Variants in PHKA1 observed in about 807,000 individuals in gnomAD.
PHKA1 encodes the protein phosphorylase b kinase regulatory subunit alpha, skeletal muscle isoform.
In PHKA1, 60 loss-of-function variants were observed where a neutral mutation model predicts 110.2. The ratio of observed to expected loss-of-function variants is 0.54; its 90% CI spans 0.44 to 0.68. The LOEUF (loss-of-function observed/expected upper bound fraction) is 0.68, where lower values mean the gene tolerates loss of function less well. Among genes scored for constraint, PHKA1 ranks in the 30% least tolerant of loss-of-function variants. The pLI, the probability that PHKA1 is intolerant of heterozygous loss-of-function variation, is 0.00. For missense variants in PHKA1, 801 were observed against 942.5 expected (o/e 0.85, Z 1.97); for synonymous variants, 316 against 333.6 (o/e 0.95, Z 0.58).
At chrX:72,635,688 C>A (rs1210890032) in intron 15 of PHKA1, among the ~76,000 whole-genome samples, 2 of 111,525 alleles carry the variant, frequency 1.8e-5, no homozygotes, top group African/African-American at 3.3e-5. Context: ...TTATACCTAC[C>A]TCAGCTGCAC....
intron 12 of PHKA1, 86 bp from the exon 13 acceptor site, chrX:72,650,554 A>C (rs2053417509): frequency 2.8e-6 from 2 of 711,848 alleles, no homozygotes; most frequent in Non-Finnish European, 4.4e-6. Context: ...TATGCCCATA[A>C]CCTTGCACCA....
chrX:72,697,940 C>T (rs570410429), intron 3 of PHKA1, among the ~76,000 whole-genome samples: 9 of 108,436 alleles, frequency 8.3e-5, no homozygotes, highest in Non-Finnish European at 1.1e-4. Flanking sequence ...GCCGAGACTG[C>T]GCCACTGCAC....
chrX:72,614,429 T>C (rs563716645), intron 21 of PHKA1, among the ~76,000 whole-genome samples: 5 of 112,062 alleles, frequency 4.5e-5, no homozygotes, highest in African/African-American at 1.6e-4. Context: ...AAAAAAGTGC[T>C]ATGAGATCTC....
intron 6 of PHKA1, among the ~76,000 whole-genome samples, chrX:72,670,747 G>C (rs1259114667): frequency 3.6e-5 from 4 of 111,544 alleles, no homozygotes; most frequent in African/African-American, 9.8e-5. Context: ...ATGATCAAGT[G>C]GGCTTCATCC....
At chrX:72,711,022 C>T (rs1168184154) in intron 2 of PHKA1, among the ~76,000 whole-genome samples, 1 of 105,893 alleles carries the variant, frequency 9.4e-6, no homozygotes, top group African/African-American at 3.4e-5. Context: ...CTACCACGCC[C>T]GGCTAATTTT....
chrX:72,667,897 G>GAAAA (rs1158012425), intron 6 of PHKA1, among the ~76,000 whole-genome samples: 6 of 111,825 alleles, frequency 5.4e-5, no homozygotes, highest in Non-Finnish European at 1.1e-4. Context: ...GAGAGGGCAA[G>GAAAA]AAAATCACCC....
chrX:72,631,419 G>T (rs2053164123), intron 16 of PHKA1, among the ~76,000 whole-genome samples: 1 of 110,516 alleles, frequency 9.0e-6, no homozygotes, highest in Non-Finnish European at 1.9e-5. Flanking sequence ...AGAGGGAGAG[G>T]GATGCCTCTT....
chrX:72,629,592 G>A (rs1386323735), intron 16 of PHKA1, among the ~76,000 whole-genome samples: 5 of 110,958 alleles, frequency 4.5e-5, no homozygotes, highest in Admixed American at 9.6e-5. Context: ...TTCAGTCTAC[G>A]TATATTGTGA....
chrX:72,699,507 CAAAAAAAAAAAAAAA>C (rs1171276586), intron 3 of PHKA1, among the ~76,000 whole-genome samples: 1 of 16,943 alleles, frequency 5.9e-5, no homozygotes, highest in Non-Finnish European at 1.2e-4. Context: ...GACTCCATCT[CAAAAAAAAAAAAAAA>C]AAAAAAAAAA....
At position 72,635,226 on chromosome X, in the gene PHKA1, G is replaced by A; in HGVS notation, c.1643C>T (p.Ser548Phe). Residue 548 changes from serine to phenylalanine, a missense_variant, in exon 16 of 32, where the codon TCC becomes TTC. Coordinates refer to ENST00000373542, the MANE Select transcript of PHKA1 (RefSeq NM_002637.4). ...MIVEMLRTDL[S>F]YLCSRWRMTG... ...CATCCGCCAGCGGCTACAGAGGTAG[G>A]AGAGGTCTGTTCTAAGCATTTCCAC... The A allele has an allele frequency of 4.1e-6, 5 of 1,210,436 alleles. No individual in the cohort carries two copies. Among genetic ancestry groups the A allele is most frequent in the Non-Finnish European group, 5.6e-6 (5 of 894,121 alleles).
intron 4 of PHKA1, among the ~76,000 whole-genome samples, chrX:72,691,354 T>C (rs2054036893): frequency 8.9e-6 from 1 of 112,230 alleles, no homozygotes; most frequent in Non-Finnish European, 1.9e-5. Flanking sequence ...GTCCTTCAAC[T>C]TTCTTCTTTT....
intron 6 of PHKA1, among the ~76,000 whole-genome samples, chrX:72,669,590 C>T (rs1241671942): frequency 5.7e-5 from 5 of 87,683 alleles, no homozygotes; most frequent in African/African-American, 2.2e-4. Flanking sequence ...TCCATGTGTT[C>T]TCATTGTTCA....
chrX:72,588,792 A>G (rs1325155287), intron 29 of PHKA1, among the ~76,000 whole-genome samples: 2 of 112,171 alleles, frequency 1.8e-5, no homozygotes, highest in African/African-American at 6.5e-5. Context: ...AGAGAATACT[A>G]TAAACACCTC....
chrX:72,658,679 A>AT (rs1333524270), intron 8 of PHKA1, among the ~76,000 whole-genome samples: 2 of 111,055 alleles, frequency 1.8e-5, no homozygotes, highest in African/African-American at 6.6e-5. Context: ...TTCATCAGTT[A>AT]TTTTGTAGAA....
intron 14 of PHKA1, among the ~76,000 whole-genome samples, chrX:72,642,894 C>A (rs2053313949): frequency 9.0e-6 from 1 of 111,588 alleles, no homozygotes; most frequent in Non-Finnish European, 1.9e-5. Context: ...TTAGAAAATT[C>A]TAATCATGTT....
intron 4 of PHKA1, among the ~76,000 whole-genome samples, chrX:72,690,461 C>T (rs1206558301): frequency 1.8e-5 from 2 of 110,877 alleles, no homozygotes; most frequent in East Asian, 5.7e-4. Context: ...GGCCCTAACC[C>T]AATAGGGCTG....
chrX:72,656,161 A>G lies in PHKA1; in HGVS notation c.1000T>C (p.Tyr334His), dbSNP rs1212322159. The G allele has an allele frequency of 8.3e-7, 1 of 1,210,217 alleles. No homozygotes were observed. ...CTGAAGACCCCATCAAGAATAAAGTATGTCCAGAACAATGGCCATTCACAC... is the reference window on the plus strand; with the variant it reads ...CTGAAGACCCCATCAAGAATAAAGTGTGTCCAGAACAATGGCCATTCACAC... The part of the protein sequence containing the change: ...IECEWPLFWT[Y>H]FILDGVFSGN... The change falls in exon 10 of 32, where the codon TAC becomes CAC. Residue 334 changes from tyrosine (Y) to histidine (H), a missense_variant. Physicochemically the swap from Tyr to His is moderately conservative, Grantham distance 83. Transcript: ENST00000373542.
intron 14 of PHKA1, among the ~76,000 whole-genome samples, chrX:72,641,328 T>C (rs1207674196): frequency 9.0e-6 from 1 of 111,664 alleles, no homozygotes; most frequent in Non-Finnish European, 1.9e-5. Flanking sequence ...TACAAAGGCA[T>C]TTATAGAAGG....
chrX:72,691,456 A>C (rs1327107351), intron 4 of PHKA1, among the ~76,000 whole-genome samples: 2 of 112,278 alleles, frequency 1.8e-5, no homozygotes, highest in African/African-American at 6.5e-5. Flanking sequence ...TTGATGTTAA[A>C]TCTGTAGATT....
Sources: allele counts gnomAD v4.1 joint callset (sites outside exome capture counted in the v4.1 genomes callset), GRCh38; gene constraint gnomAD v4.1.1; transcripts MANE v1.5; gene names NCBI Gene and HGNC (gene_info 2026-07-23, HGNC 2026-07-21).